Variants in RORA observed in about 807,000 individuals in gnomAD.
RORA encodes RAR related orphan receptor A.
In RORA, 7 loss-of-function variants were observed where a neutral mutation model predicts 69.5. The observed-to-expected ratio is 0.10, with a 90% confidence interval of 0.06 to 0.19. The LOEUF (loss-of-function observed/expected upper bound fraction) is 0.19. Among genes scored for constraint, RORA ranks in the 10% least tolerant of loss-of-function variants. The pLI is 1.00. For synonymous variants in RORA, 261 were observed against 240.8 expected, an observed-to-expected ratio of 1.08 and a Z score of -0.78; for missense variants, 457 against 663.0, an observed-to-expected ratio of 0.69 and a Z score of 3.41.
intron 7 of RORA, 52 bp downstream of exon 7, chr15:60,503,483 G>C: frequency 6.3e-7 from 1 of 1,581,738 alleles, no homozygotes; most frequent in Non-Finnish European, 8.7e-7. Context: ...TTTAATAAGC[G>C]GGTGAAAGCA....
In RORA at chr15:60,769,294, T is replaced by C. The variant is rs188973753; in HGVS notation, c.167-90608A>G. On this transcript the variant is annotated intron_variant, in intron 1 of 10. Coordinates refer to ENST00000335670, the MANE Select transcript of RORA (RefSeq NM_134261.3). ...TGTCTCGATAAGCCTCTTGCAAATATAATATGAAGCAGAAAACCTGTTAAC... is the reference window on the plus strand; with the variant it reads ...TGTCTCGATAAGCCTCTTGCAAATACAATATGAAGCAGAAAACCTGTTAAC... 5.6e-4 allele frequency among the ~76,000 whole-genome samples: 85 copies of C among 152,312 alleles called. No homozygotes were observed. In the East Asian group the frequency reaches 0.015, roughly 28 times the overall value.
intron 6 of RORA, among the ~76,000 whole-genome samples, chr15:60,505,295 G>A (rs1386984102): frequency 2.6e-5 from 4 of 152,190 alleles, no homozygotes; most frequent in African/African-American, 9.7e-5. Flanking sequence ...TACCTAGAAA[G>A]CACAATAGAA....
intron 1 of RORA, among the ~76,000 whole-genome samples, chr15:60,912,048 A>G (rs1365174889): frequency 6.6e-6 from 1 of 152,116 alleles, no homozygotes; most frequent in African/African-American, 2.4e-5. Context: ...AGGTGGAGAA[A>G]GGGCACAACA....
chr15:60,959,735 C>T (rs544015601), intron 1 of RORA, among the ~76,000 whole-genome samples: 17 of 152,228 alleles, frequency 1.1e-4, no homozygotes, highest in Middle Eastern at 3.4e-3. Context: ...ACTGGTAGGA[C>T]GCATTTGAAA....
At chr15:60,866,392 C>G (rs1256551257) in intron 1 of RORA, among the ~76,000 whole-genome samples, 2 of 152,222 alleles carry the variant, frequency 1.3e-5, no homozygotes, top group Non-Finnish European at 2.9e-5. Flanking sequence ...TGGTCTTCAT[C>G]CATTTCTGTT....
intron 1 of RORA, among the ~76,000 whole-genome samples, chr15:60,782,150 G>C (rs1018653986): frequency 6.6e-6 from 1 of 152,126 alleles, no homozygotes; most frequent in African/African-American, 2.4e-5. Flanking sequence ...GCTTGAACCT[G>C]GGAGGCGGAG....
chr15:61,128,956 T>C lies in RORA; in HGVS notation c.166+100097A>G, dbSNP rs147344094. 2.6e-4 allele frequency among the ~76,000 whole-genome samples: 40 copies of C among 152,292 alleles called. No individual in the cohort carries two copies. The highest frequency in any genetic ancestry group is 8.9e-4 in the African/African-American group (37 of 41,548). On this transcript the variant is annotated intron_variant, in intron 1 of 10. Coordinates refer to ENST00000335670, the MANE Select transcript of RORA (RefSeq NM_134261.3). This position sits in a 1 kb window ranked among gnomAD's most constrained non-coding sequence, Gnocchi z 4.5. Reference sequence around the variant, plus strand: ...CCTTGGGCCCACTCCCTTCTACGAGTGCCCTTAACCCTTTACAAAATAATA... The same window carrying C: ...CCTTGGGCCCACTCCCTTCTACGAGCGCCCTTAACCCTTTACAAAATAATA...
intron 3 of RORA, among the ~76,000 whole-genome samples, chr15:60,517,908 T>C (rs1344494129): frequency 1.3e-5 from 2 of 152,242 alleles, no homozygotes; most frequent in Admixed American, 1.3e-4. Context: ...AGGGCTGCCA[T>C]GCTATTTCCT....
intron 1 of RORA, among the ~76,000 whole-genome samples, chr15:61,097,952 AC>A (rs1444038735): frequency 1.3e-5 from 2 of 152,246 alleles, no homozygotes; most frequent in African/African-American, 4.8e-5. Flanking sequence ...AACTGCAGGA[AC>A]TAAGACTGGA....
chr15:60,530,816 G>C (rs1475532840), intron 3 of RORA: 1 of 152,130 alleles, frequency 6.6e-6, no homozygotes, highest in African/African-American at 2.4e-5. Flanking sequence ...GCTGATTCAG[G>C]CCTGGTTGTA....
chr15:60,755,472 T>A (rs935072944), intron 1 of RORA, among the ~76,000 whole-genome samples: 27 of 152,172 alleles, frequency 1.8e-4, no homozygotes, highest in Non-Finnish European at 3.2e-4. Context: ...TATAGCAGCA[T>A]GATTTATAAT....
At position 60,497,209 on chromosome 15, in the gene RORA, GAAGTC is replaced by G. The variant is rs1343920589; in HGVS notation, c.*241_*245del. On this transcript the variant is annotated 3_prime_UTR_variant, in exon 11 of 11. Coordinates refer to ENST00000335670, the MANE Select transcript of RORA (RefSeq NM_134261.3). The stretch of plus-strand genomic sequence containing the variant: ...GTTGTAAACAGAGGTCAATGATCAA[GAAGTC>G]AAGACAGAAAAAGGGTCCATATCTG... 1.5e-4 allele frequency: 58 copies of G among 381,420 alleles called. No homozygotes were observed. Among genetic ancestry groups the G allele is most frequent in the Non-Finnish European group, 1.9e-5 (4 of 210,976 alleles). The allele number at this position is 381,420 out of a possible 1,614,324, so 23.6% of individuals were successfully genotyped here. A position where few individuals can be genotyped will look rare whatever the true frequency, so the allele number is the denominator to read the frequency against.
At chr15:60,559,153 C>A (rs1048230030) in intron 2 of RORA, among the ~76,000 whole-genome samples, 1 of 151,936 alleles carries the variant, frequency 6.6e-6, no homozygotes, top group Admixed American at 6.6e-5. Flanking sequence ...TTACTCTTCT[C>A]GAAAAAATTT....
chr15:60,754,587 C>T (rs1490850764), intron 1 of RORA, among the ~76,000 whole-genome samples: 1 of 152,156 alleles, frequency 6.6e-6, no homozygotes, highest in Non-Finnish European at 1.5e-5. Context: ...TGACGCCCTT[C>T]CCTCATTCTT....
intron 1 of RORA, among the ~76,000 whole-genome samples, chr15:60,954,989 T>A (rs1413194554): frequency 6.6e-6 from 1 of 152,206 alleles, no homozygotes; most frequent in Admixed American, 6.5e-5. Flanking sequence ...CACATTAACA[T>A]GGGTTTTGTA....
chr15:60,956,700 T>C (rs959626111), intron 1 of RORA, among the ~76,000 whole-genome samples: 1 of 152,254 alleles, frequency 6.6e-6, no homozygotes, highest in Non-Finnish European at 1.5e-5. Context: ...TTGGCATTTA[T>C]TGAGTACTCA....
chr15:60,670,791 T>A (rs1451330668), intron 2 of RORA, among the ~76,000 whole-genome samples: 1 of 152,134 alleles, frequency 6.6e-6, no homozygotes, highest in East Asian at 1.9e-4. Context: ...AAGGGCCATG[T>A]GACTACAAAT....
chr15:60,508,281 A>C (rs1477508020), intron 5 of RORA, among the ~76,000 whole-genome samples: 1 of 152,202 alleles, frequency 6.6e-6, no homozygotes, highest in Non-Finnish European at 1.5e-5. Flanking sequence ...CATGTGCCCC[A>C]ACCATGACTG....
intron 1 of RORA, among the ~76,000 whole-genome samples, chr15:60,684,384 G>C (rs992495720): frequency 4.6e-5 from 7 of 152,200 alleles, no homozygotes; most frequent in Non-Finnish European, 1.0e-4. Flanking sequence ...GGGAGGCCGA[G>C]ATGGGTGGAT....
Sources: allele counts gnomAD v4.1 joint callset (sites outside exome capture counted in the v4.1 genomes callset), GRCh38; gene constraint gnomAD v4.1.1; non-coding constraint Gnocchi (gnomAD v3.1); transcripts MANE v1.5; gene names NCBI Gene and HGNC (gene_info 2026-07-23, HGNC 2026-07-21).